Variants in LHFPL3 observed in about 807,000 individuals in gnomAD.
The protein encoded by LHFPL3 is LHFPL tetraspan subfamily member 3, also known as LHFPL tetraspan subfamily member 3 protein.
LHFPL3 carries 5 observed loss-of-function variants against 19.3 expected under a neutral mutation model. The ratio of observed to expected loss-of-function variants is 0.26; its 90% CI spans 0.14 to 0.54. The LOEUF (loss-of-function observed/expected upper bound fraction) is 0.54, where lower values mean the gene tolerates loss of function less well. LHFPL3 is among the 20% of genes least tolerant of loss of function. LHFPL3 has a pLI of 0.94. For missense variants in LHFPL3, 249 were observed against 307.4 expected, an observed-to-expected ratio of 0.81 and a Z score of 1.42; for synonymous variants, 133 against 126.2, an observed-to-expected ratio of 1.05 and a Z score of -0.36.
intron 1 of LHFPL3, among the ~76,000 whole-genome samples, chr7:104,671,371 C>A (rs2116041953): frequency 6.6e-6 from 1 of 152,060 alleles, no homozygotes; most frequent in Admixed American, 6.5e-5. Context: ...TGTCCCCTAC[C>A]TTGTCCCCCC....
At chr7:104,764,016 T>G (rs1794416568) in intron 2 of LHFPL3, among the ~76,000 whole-genome samples, 1 of 152,214 alleles carries the variant, frequency 6.6e-6, no homozygotes, top group Non-Finnish European at 1.5e-5. Flanking sequence ...TGTGTATATG[T>G]GTGTCTCTAG....
chr7:104,877,576 C>T (rs1358693532), intron 2 of LHFPL3, among the ~76,000 whole-genome samples: 1 of 152,174 alleles, frequency 6.6e-6, no homozygotes, highest in Non-Finnish European at 1.5e-5. Flanking sequence ...TGAGATATCA[C>T]TTCCCATCCA....
intron 2 of LHFPL3, among the ~76,000 whole-genome samples, chr7:104,833,436 C>A (rs1475199464): frequency 2.0e-5 from 1 of 50,344 alleles, no homozygotes; most frequent in Non-Finnish European, 3.5e-5. Context: ...TATATATATG[C>A]TCCTCAAGCT....
At chr7:104,621,282 A>G (rs1791442019) in intron 1 of LHFPL3, among the ~76,000 whole-genome samples, 1 of 152,200 alleles carries the variant, frequency 6.6e-6, no homozygotes. Flanking sequence ...TTAGTATAGA[A>G]AATCCTAACA....
chr7:104,415,303 C>G (rs1282151982), intron 1 of LHFPL3, among the ~76,000 whole-genome samples: 1 of 152,172 alleles, frequency 6.6e-6, no homozygotes, highest in East Asian at 1.9e-4. Flanking sequence ...ATGGATGTCA[C>G]TCTTAATTAT....
intron 1 of LHFPL3, among the ~76,000 whole-genome samples, chr7:104,425,187 G>C (rs1791820479): frequency 1.3e-5 from 2 of 151,798 alleles, no homozygotes; most frequent in African/African-American, 4.8e-5. Context: ...TAATGGGAAT[G>C]AGATAGGAAG....
chr7:104,878,788 G>A (rs1379542424), intron 2 of LHFPL3, among the ~76,000 whole-genome samples: 2 of 152,106 alleles, frequency 1.3e-5, no homozygotes, highest in African/African-American at 4.8e-5. Context: ...TGAATGCAAA[G>A]AAAAACTTCT....
chr7:104,886,434 A>G (rs879295380), intron 2 of LHFPL3, among the ~76,000 whole-genome samples: 2 of 152,016 alleles, frequency 1.3e-5, no homozygotes, highest in Admixed American at 6.6e-5. Flanking sequence ...GTGCGATCTC[A>G]GTTCACCGCA....
At chr7:104,714,977 A>G (rs1793361279) in intron 1 of LHFPL3, among the ~76,000 whole-genome samples, 1 of 152,170 alleles carries the variant, frequency 6.6e-6, no homozygotes, top group South Asian at 2.1e-4. Context: ...ATACCTGTGT[A>G]TATACACAGA....
At chr7:104,824,310 AT>A (rs1428895661) in intron 2 of LHFPL3, among the ~76,000 whole-genome samples, 2 of 32,470 alleles carry the variant, frequency 6.2e-5, no homozygotes, top group African/African-American at 1.2e-4. Flanking sequence ...ATTATATATA[AT>A]TATATATATT....
intron 1 of LHFPL3, among the ~76,000 whole-genome samples, chr7:104,487,145 A>G (rs944090564): frequency 6.6e-6 from 1 of 152,106 alleles, no homozygotes; most frequent in African/African-American, 2.4e-5. Flanking sequence ...GGAAAATGTG[A>G]CTAAGTGAAA....
At chr7:104,557,946 G>A (rs1789884504) in intron 1 of LHFPL3, among the ~76,000 whole-genome samples, 1 of 149,020 alleles carries the variant, frequency 6.7e-6, no homozygotes, top group Non-Finnish European at 1.5e-5. Context: ...TTTTGTTCTT[G>A]CGATAGTTTA....
chr7:104,803,295 A>G (rs896139583), intron 2 of LHFPL3, among the ~76,000 whole-genome samples: 1 of 152,210 alleles, frequency 6.6e-6, no homozygotes, highest in African/African-American at 2.4e-5. Flanking sequence ...AGCCACAAGT[A>G]CCAGTTTCAA....
chr7:104,765,656 G>A (rs936954685), intron 2 of LHFPL3, among the ~76,000 whole-genome samples: 1 of 152,168 alleles, frequency 6.6e-6, no homozygotes, highest in African/African-American at 2.4e-5. Flanking sequence ...GTGCAATACT[G>A]AAAGGGCAAA....
At chr7:104,893,929 G>A (rs1792303223) in intron 2 of LHFPL3, among the ~76,000 whole-genome samples, 1 of 149,116 alleles carries the variant, frequency 6.7e-6, no homozygotes, top group African/African-American at 2.5e-5. Context: ...TCCAGCCGGG[G>A]CAACAGAATG....
At chr7:104,596,488 A>G (rs1370608918) in intron 1 of LHFPL3, among the ~76,000 whole-genome samples, 1 of 152,236 alleles carries the variant, frequency 6.6e-6, no homozygotes. Flanking sequence ...TCAGCTCTGT[A>G]TATCCAAGAT....
chr7:104,420,313 G>T (rs1791702526), intron 1 of LHFPL3, among the ~76,000 whole-genome samples: 1 of 152,226 alleles, frequency 6.6e-6, no homozygotes, highest in Non-Finnish European at 1.5e-5. Context: ...CCCCTTGTTA[G>T]TGAAATGGGA....
chr7:104,666,225 T>C (rs1792334140), intron 1 of LHFPL3, among the ~76,000 whole-genome samples: 1 of 152,080 alleles, frequency 6.6e-6, no homozygotes, highest in South Asian at 2.1e-4. Flanking sequence ...TTATACAATA[T>C]ATTGTTGTTA....
chr7:104,330,087 T>G (rs1209701092), intron 1 of LHFPL3, among the ~76,000 whole-genome samples: 1 of 152,232 alleles, frequency 6.6e-6, no homozygotes, highest in Non-Finnish European at 1.5e-5. Flanking sequence ...TTTCTGTGCA[T>G]CAAAGTTACT....
Sources: gnomAD v4.1 joint callset for allele counts (sites outside exome capture counted in the v4.1 genomes callset) on GRCh38, gnomAD v4.1.1 for gene constraint, MANE v1.5 for transcripts, NCBI Gene and HGNC (gene_info 2026-07-23, HGNC 2026-07-21) for gene names.